Variants in GALNT2 observed in about 807,000 individuals in gnomAD.
The protein encoded by GALNT2 is polypeptide N-acetylgalactosaminyltransferase 2.
A neutral mutation model predicts 81.4 loss-of-function variants in GALNT2; 31 were observed. The observed-to-expected ratio is 0.38, with a 90% confidence interval of 0.29 to 0.51. GALNT2 has a LOEUF of 0.51. Among genes scored for constraint, GALNT2 ranks in the 20% least tolerant of loss-of-function variants. The pLI is 0.87. For missense variants in GALNT2, 629 were observed against 765.7 expected (o/e 0.82, Z 2.11); for synonymous variants, 303 against 287.4 (o/e 1.05, Z -0.55).
intron 2 of GALNT2, among the ~76,000 whole-genome samples, chr1:230,197,111 A>T (rs1261209706): frequency 6.6e-6 from 1 of 151,162 alleles, no homozygotes; most frequent in Middle Eastern, 3.2e-3. Flanking sequence ...CTTCCTCCAC[A>T]CTCCACCTGA....
intron 1 of GALNT2, among the ~76,000 whole-genome samples, chr1:230,109,037 G>A (rs985602717): frequency 1.3e-5 from 2 of 152,224 alleles, no homozygotes; most frequent in Non-Finnish European, 2.9e-5. Flanking sequence ...TTCGCGAACA[G>A]TGCAAACGTT....
At chr1:230,225,436 G>A (rs888357618) in intron 3 of GALNT2, among the ~76,000 whole-genome samples, 1 of 152,156 alleles carries the variant, frequency 6.6e-6, no homozygotes, top group Non-Finnish European at 1.5e-5. Context: ...CCTGTTTCCC[G>A]TGGCCCCTTC....
chr1:230,236,572 C>T, intron 5 of GALNT2, 88 bp from the exon 6 acceptor site: 1 of 1,443,140 alleles, frequency 6.9e-7, no homozygotes, highest in Non-Finnish European at 9.6e-7. Flanking sequence ...AGATAATCGG[C>T]CCTTAGATGA....
chr1:230,275,921 A>G lies in GALNT2; in HGVS notation c.1560+1357A>G, dbSNP rs533738550. Among the ~76,000 whole-genome samples the G allele has an allele frequency of 4.1e-3, 616 of 151,354 alleles. 6 individuals carry two copies. The highest frequency in any genetic ancestry group is 7.3e-3 in the Non-Finnish European group (497 of 67,784). ...CACCACATATATACATAGACACCAC[A>G]GATACATACATATATACATGCCACA... is the stretch of plus-strand genomic sequence containing the variant. On this transcript the variant is annotated intron_variant, in intron 15 of 15. Coordinates refer to ENST00000366672, the MANE Select transcript of GALNT2 (RefSeq NM_004481.5). The surrounding 1 kb of genome is among the most constrained non-coding windows in gnomAD (Gnocchi z 5.5).
chr1:230,167,560 C>T (rs554558578), intron 1 of GALNT2, among the ~76,000 whole-genome samples: 36 of 152,352 alleles, frequency 2.4e-4, no homozygotes, highest in South Asian at 8.3e-4. Context: ...GATGGTGGCA[C>T]CTACTGGTGA....
chr1:230,230,029 G>A (rs1022163125), intron 3 of GALNT2, among the ~76,000 whole-genome samples: 3 of 152,112 alleles, frequency 2.0e-5, no homozygotes, highest in African/African-American at 7.2e-5. Flanking sequence ...AGTATTGCAA[G>A]ATATTAAGAC....
chr1:230,191,431 A>G (rs892491032), intron 2 of GALNT2, among the ~76,000 whole-genome samples: 19 of 152,222 alleles, frequency 1.2e-4, no homozygotes, highest in African/African-American at 4.6e-4. Flanking sequence ...GCTACCATAT[A>G]AAAGAGGCTG....
chr1:230,100,316 T>TTG (rs1375263337), intron 1 of GALNT2, among the ~76,000 whole-genome samples: 12 of 31,650 alleles, frequency 3.8e-4, no homozygotes, highest in Non-Finnish European at 5.7e-4. Context: ...ATTCCTTTTT[T>TTG]TTTTTTTTTT....
At chr1:230,090,845 G>A (rs147242410) in intron 1 of GALNT2, among the ~76,000 whole-genome samples, 6 of 152,280 alleles carry the variant, frequency 3.9e-5, no homozygotes, top group African/African-American at 1.4e-4. Context: ...TTGAGAGAGA[G>A]AATGATCATG....
At chr1:230,265,589 C>G (rs1016679131) in intron 14 of GALNT2, among the ~76,000 whole-genome samples, 1 of 152,194 alleles carries the variant, frequency 6.6e-6, no homozygotes. Context: ...AGCTTCGGAC[C>G]AGGCTCTGCT....
intron 3 of GALNT2, among the ~76,000 whole-genome samples, chr1:230,205,753 G>C (rs924967978): frequency 6.6e-6 from 1 of 152,170 alleles, no homozygotes; most frequent in Non-Finnish European, 1.5e-5. Context: ...AGGGTCCCAG[G>C]TGTGTACTTC....
chr1:230,122,108 G>A (rs1252307764), intron 1 of GALNT2, among the ~76,000 whole-genome samples: 1 of 152,004 alleles, frequency 6.6e-6, no homozygotes, highest in Non-Finnish European at 1.5e-5. Flanking sequence ...GAGCGGTGCT[G>A]TACATTATGA....
intron 3 of GALNT2, among the ~76,000 whole-genome samples, chr1:230,212,626 GAGTGGGA>G (rs960099220): frequency 2.0e-5 from 3 of 152,132 alleles, no homozygotes; most frequent in African/African-American, 7.2e-5. Flanking sequence ...GAGATGTGGG[GAGTGGGA>G]AGTGGCCAGC....
chr1:230,114,785 A>G (rs1444924640), intron 1 of GALNT2, among the ~76,000 whole-genome samples: 1 of 152,186 alleles, frequency 6.6e-6, no homozygotes, highest in Non-Finnish European at 1.5e-5. Flanking sequence ...ATGGTTATGT[A>G]CCATGTAGAA....
At chr1:230,071,434 T>C (rs986149497) in intron 1 of GALNT2, among the ~76,000 whole-genome samples, 1 of 152,206 alleles carries the variant, frequency 6.6e-6, no homozygotes, top group African/African-American at 2.4e-5. Context: ...GCAGTTGTAG[T>C]GTCCAACAGT....
chr1:230,197,858 C>T (rs890102209), intron 2 of GALNT2, among the ~76,000 whole-genome samples: 10 of 152,136 alleles, frequency 6.6e-5, no homozygotes, highest in Non-Finnish European at 1.2e-4. Flanking sequence ...GCCTGGACCC[C>T]TGTTGGCCAG....
intron 1 of GALNT2, among the ~76,000 whole-genome samples, chr1:230,156,750 C>T (rs561083080): frequency 6.6e-6 from 1 of 152,088 alleles, no homozygotes; most frequent in Non-Finnish European, 1.5e-5. Flanking sequence ...TTTAATAGCA[C>T]ATCTCATCCT....
intron 3 of GALNT2, among the ~76,000 whole-genome samples, chr1:230,208,096 A>G (rs959239303): frequency 1.3e-5 from 2 of 152,242 alleles, no homozygotes; most frequent in Non-Finnish European, 2.9e-5. Context: ...GAAATTTCAA[A>G]TAAATTATCA....
In GALNT2 at chr1:230,102,952, T is replaced by C. The variant is rs1660444699; in HGVS notation, c.126+35546T>C. On this transcript the variant is annotated intron_variant, in intron 1 of 15. Coordinates refer to ENST00000366672, the MANE Select transcript of GALNT2 (RefSeq NM_004481.5). Reference sequence around the variant, plus strand: ...GGACGAGAGTGTTGTTTGATGACTCTGCATGTGACCAGTAGTGACATTTTA... The same window carrying C: ...GGACGAGAGTGTTGTTTGATGACTCCGCATGTGACCAGTAGTGACATTTTA... Among the ~76,000 whole-genome samples the C allele has an allele frequency of 4.6e-5, 7 of 152,204 alleles. No individual in the cohort carries two copies. The South Asian group carries it at 1.4e-3, about 31-fold the overall frequency.
Sources: allele counts gnomAD v4.1 joint callset (sites outside exome capture counted in the v4.1 genomes callset), GRCh38; gene constraint gnomAD v4.1.1; non-coding constraint Gnocchi (gnomAD v3.1); transcripts MANE v1.5; gene names NCBI Gene and HGNC (gene_info 2026-07-23, HGNC 2026-07-21).